Variants in SLC25A31 observed in about 807,000 individuals in gnomAD.
SLC25A31 encodes the protein ADP/ATP translocase 4.
Under a neutral mutation model 36.2 loss-of-function variants are expected in SLC25A31, and 40 were observed. The ratio of observed to expected loss-of-function variants is 1.10; its 90% CI spans 0.86 to 1.44. The LOEUF is 1.44. Ranked by LOEUF, SLC25A31 falls within the 40% of genes most tolerant of loss-of-function variation. The pLI, the probability that SLC25A31 is intolerant of heterozygous loss-of-function variation, is 0.00. For missense variants in SLC25A31, 350 were observed against 397.1 expected (o/e 0.88, Z 1.01); for synonymous variants, 143 against 149.7 (o/e 0.96, Z 0.32).
At chr4:127,749,705 T>C (rs1731892122) in intron 2 of SLC25A31, among the ~76,000 whole-genome samples, 1 of 86,634 alleles carries the variant, frequency 1.2e-5, no homozygotes, top group South Asian at 5.0e-4. Flanking sequence ...TGAGACTCCA[T>C]CTCAAAAAAA....
intron 5 of SLC25A31, 54 bp from the exon 6 acceptor site, chr4:127,773,332 C>A: frequency 1.3e-6 from 2 of 1,511,392 alleles, no homozygotes; most frequent in South Asian, 2.5e-5. Context: ...AGAAGACTGT[C>A]TTAAGATAAA....
intron 2 of SLC25A31, among the ~76,000 whole-genome samples, chr4:127,756,289 A>G (rs1286551114): frequency 6.6e-6 from 1 of 152,220 alleles, no homozygotes; most frequent in Non-Finnish European, 1.5e-5. Flanking sequence ...CATTTGTGAC[A>G]TGGAATAACC....
intron 3 of SLC25A31, among the ~76,000 whole-genome samples, chr4:127,766,157 T>TTG (rs1553930509): frequency 6.6e-6 from 1 of 151,542 alleles, no homozygotes; most frequent in African/African-American, 2.4e-5. Context: ...TATTTGTTTT[T>TTG]TTTTTTGTTT....
chr4:127,750,545 A>G (rs1292153731), intron 2 of SLC25A31, among the ~76,000 whole-genome samples: 1 of 152,220 alleles, frequency 6.6e-6, no homozygotes, highest in Non-Finnish European at 1.5e-5. Flanking sequence ...ACGTCAGAAG[A>G]CATTATTAAA....
intron 2 of SLC25A31, among the ~76,000 whole-genome samples, chr4:127,758,267 G>C (rs997569321): frequency 1.3e-5 from 2 of 152,134 alleles, no homozygotes; most frequent in Non-Finnish European, 2.9e-5. Context: ...ATGTTTGTTG[G>C]CCAGTTGTCT....
intron 1 of SLC25A31, among the ~76,000 whole-genome samples, chr4:127,740,692 C>T (rs1163698185): frequency 6.6e-6 from 1 of 152,076 alleles, no homozygotes; most frequent in Non-Finnish European, 1.5e-5. Flanking sequence ...AGGTACTCTG[C>T]CTGCCTGAGT....
In SLC25A31 at chr4:127,745,803, GT is replaced by G. The variant is rs1731814329; in HGVS notation, c.360+1011del. ...TTTGGATCTTATTTAGCTACATGAG[GT>G]TTTTTTACTTTTATTTTAGGTTTGG... is the stretch of plus-strand genomic sequence containing the variant. On this transcript the variant is annotated intron_variant, in intron 2 of 5. Transcript: ENST00000281154. Among the ~76,000 whole-genome samples, 6 of 151,948 alleles carry G rather than the reference GT, an allele frequency of 3.9e-5. No homozygotes were observed. In the South Asian group the frequency reaches 1.2e-3, roughly 32 times the overall value.
At chr4:127,756,424 T>G (rs1266943209) in intron 2 of SLC25A31, among the ~76,000 whole-genome samples, 2 of 152,126 alleles carry the variant, frequency 1.3e-5, no homozygotes, top group South Asian at 2.1e-4. Context: ...CTTTCTGAGG[T>G]CGATGGAGCG....
rs373577281 is a variant in SLC25A31, at chr4:127,730,579, A to G, written c.34A>G (p.Lys12Glu). The G allele has an allele frequency of 6.2e-7, 1 of 1,613,902 alleles. No individual in the cohort carries two copies. Among genetic ancestry groups the G allele is most frequent in the Non-Finnish European group, 8.5e-7 (1 of 1,179,878 alleles). Residue 12 changes from lysine (K) to glutamate (E), a missense_variant, in exon 1 of 6, where the codon AAG becomes GAG. By Grantham distance (56) the Lys-to-Glu change is moderately conservative. Coordinates refer to ENST00000281154, the MANE Select transcript of SLC25A31 (RefSeq NM_031291.4). ...HREPAKKKAE[K>E]RLFDASSFGK... ...TGAGCCTGCGAAAAAGAAGGCAGAA[A>G]AGCGGCTGTTTGACGCCTCATCCTT...
intron 3 of SLC25A31, among the ~76,000 whole-genome samples, chr4:127,766,325 G>A (rs376280022): frequency 1.3e-5 from 2 of 151,692 alleles, no homozygotes; most frequent in Non-Finnish European, 2.9e-5. Context: ...CCACCACGAC[G>A]CCTGGCTAAT....
At position 127,773,445 on chromosome 4, in the gene SLC25A31, A is replaced by G. The variant is rs759845957; in HGVS notation, c.819A>G (p.Gln273=). The G allele has an allele frequency of 6.2e-6, 10 of 1,614,160 alleles. No individual in the cohort carries two copies. The highest frequency in any genetic ancestry group is 8.5e-6 in the Non-Finnish European group (10 of 1,180,018). ...GTLDCFVKIY[Q]HEGISSFFRG... ...TAGACTGCTTTGTGAAGATATACCA[A>G]CATGAAGGAATCAGTTCCTTTTTTC... Residue 273 remains glutamine (Q), a synonymous_variant, in exon 6 of 6, where the codon CAA becomes CAG. Coordinates refer to ENST00000281154, the MANE Select transcript of SLC25A31 (RefSeq NM_031291.4).
At chr4:127,764,192 AAC>A (rs576714426) in intron 2 of SLC25A31, 49 bp from the exon 3 acceptor site, 4 of 1,458,266 alleles carry the variant, frequency 2.7e-6, no homozygotes, top group South Asian at 1.2e-5. Context: ...AGGTATTTTA[AAC>A]AGTTAGATTC....
chr4:127,749,288 G>T (rs72918257), intron 2 of SLC25A31, among the ~76,000 whole-genome samples: 4,754 of 152,250 alleles, frequency 0.031, 258 homozygotes, highest in African/African-American at 0.11. Context: ...ACCATCAAAT[G>T]TACAAATGTG....
intron 2 of SLC25A31, among the ~76,000 whole-genome samples, chr4:127,756,574 ATG>A (rs902987990): frequency 9.2e-5 from 14 of 152,198 alleles, no homozygotes; most frequent in African/African-American, 3.4e-4. Context: ...CTAAAAGAGT[ATG>A]TTTTAAATGT....
chr4:127,770,781 A>G (rs1732341705), intron 5 of SLC25A31, among the ~76,000 whole-genome samples: 1 of 151,996 alleles, frequency 6.6e-6, no homozygotes, highest in Non-Finnish European at 1.5e-5. Flanking sequence ...TCACCCACAA[A>G]AGTGGTTTGC....
rs544890219 is a variant in SLC25A31 at position 127,757,504 on chromosome 4, A to T, written c.361-6739A>T. ...AAAGCTGTATGGTATTCCGTGGTGT[A>T]TATGTACCACATTTTCTTTATCCAT... On this transcript the variant is annotated intron_variant, in intron 2 of 5. Transcript: ENST00000281154. Among the ~76,000 whole-genome samples, 16 of 152,280 alleles carry T rather than the reference A, an allele frequency of 1.1e-4. No homozygotes were observed. In the South Asian group the frequency reaches 3.3e-3, roughly 32 times the overall value.
intron 1 of SLC25A31, among the ~76,000 whole-genome samples, chr4:127,735,880 A>ATTTTTT (rs1345012855): frequency 1.4e-5 from 1 of 70,032 alleles, no homozygotes; most frequent in African/African-American, 5.2e-5. Flanking sequence ...TTATTTATTT[A>ATTTTTT]TTTATTTATT....
intron 1 of SLC25A31, among the ~76,000 whole-genome samples, chr4:127,733,253 C>CATCATTTAT (rs1464085114): frequency 6.6e-6 from 1 of 152,152 alleles, no homozygotes; most frequent in African/African-American, 2.4e-5. Flanking sequence ...AGTATTTGGT[C>CATCATTTAT]ATCATTTATA....
intron 2 of SLC25A31, among the ~76,000 whole-genome samples, chr4:127,761,520 A>G (rs1309647833): frequency 6.6e-6 from 1 of 152,030 alleles, no homozygotes; most frequent in African/African-American, 2.4e-5. Context: ...TTTCTCTCCC[A>G]AGTCACCTGT....
Sources: allele counts gnomAD v4.1 joint callset (sites outside exome capture counted in the v4.1 genomes callset), GRCh38; gene constraint gnomAD v4.1.1; transcripts MANE v1.5; gene names NCBI Gene and HGNC (gene_info 2026-07-23, HGNC 2026-07-21).